The following FUT7 variants were observed in gnomAD, a reference collection of about 807,000 sequenced individuals.
FUT7 encodes fucosyltransferase 7.
FUT7 carries 2 observed loss-of-function variants against 5.0 expected under a neutral mutation model. The observed-to-expected ratio is 0.40, with a 90% CI of 0.16 to 1.26. The LOEUF (loss-of-function observed/expected upper bound fraction) is 1.26, where lower values mean the gene tolerates loss of function less well. Among genes scored for constraint, FUT7 ranks in the 50% most tolerant of loss-of-function variants. The pLI, the probability that FUT7 is intolerant of heterozygous loss-of-function variation, is 0.32. For missense variants in FUT7, 461 were observed against 489.8 expected (o/e 0.94, Z 0.55); for synonymous variants, 218 against 210.6 (o/e 1.03, Z -0.30).
chr9:137,031,222 C>T lies in FUT7; in HGVS notation c.517G>A (p.Ala173Thr). The change falls in exon 2 of 2, where the codon GCC becomes ACC. Residue 173 changes from alanine to threonine, a missense_variant. Transcript: ENST00000314412. ...SPPLPAKSRV[A>T]AWVVSNFQER... ...TGGAAGTTGCTGACCACCCAGGCGG[C>T]CACCCTGCTCTTGGCTGGCAGCGGT... 2 of 1,609,356 alleles carry T rather than the reference C, an allele frequency of 1.2e-6. No homozygotes were observed. Among genetic ancestry groups the T allele is most frequent in the South Asian group, 2.2e-5 (2 of 90,994 alleles).
Position 137,031,193 on chromosome 9 carries a change from C to T in FUT7, c.546G>A (p.Glu182=). The T allele has an allele frequency of 6.2e-7, 1 of 1,610,112 alleles. No individual in the cohort carries two copies. The highest frequency in any genetic ancestry group is 8.5e-7 in the Non-Finnish European group (1 of 1,178,548). ...VAAWVVSNFQ[E]RQLRARLYRQ... is the part of the protein sequence containing the mutation. ...GGTACAGCCTGGCACGCAGCTGCCG[C>T]TCCTGGAAGTTGCTGACCACCCAGG... Residue 182 remains glutamate (E), a synonymous_variant, in exon 2 of 2, where the codon GAG becomes GAA. Coordinates refer to ENST00000314412, the MANE Select transcript of FUT7 (RefSeq NM_004479.4).
chr9:137,030,614 T>A lies in FUT7; in HGVS notation c.*96A>T. 6.9e-7 allele frequency: 1 copy of A among 1,457,276 alleles called. No individual in the cohort carries two copies. Among genetic ancestry groups the A allele is most frequent in the East Asian group, 2.4e-5 (1 of 41,650 alleles). The allele number at this position is 1,457,276 out of a possible 1,614,324, so 90.3% of individuals were successfully genotyped here. A position where few individuals can be genotyped will look rare whatever the true frequency, so the allele number is the denominator to read the frequency against. On this transcript the variant is annotated 3_prime_UTR_variant, in exon 2 of 2. Coordinates refer to ENST00000314412, the MANE Select transcript of FUT7 (RefSeq NM_004479.4). ...CCTGACCTCTGTGCCCAGCCTCCCG[T>A]TAGCCCGCTGCTTGCCGGTAAGGGC... is the stretch of plus-strand genomic sequence containing the variant.
intron 1 of FUT7, 36 bp from the exon 2 acceptor site, chr9:137,031,761 T>C: frequency 6.5e-7 from 1 of 1,538,480 alleles, no homozygotes; most frequent in Non-Finnish European, 8.7e-7. Context: ...CTCTGTCACT[T>C]GGGCTCAGGG....
Position 137,032,030 on chromosome 9 carries a change from A to G in FUT7, c.-39T>C. 6.2e-7 allele frequency: 1 copy of G among 1,611,966 alleles called. No homozygotes were observed. Among genetic ancestry groups the G allele is most frequent in the Non-Finnish European group, 8.5e-7 (1 of 1,179,176 alleles). On this transcript the variant is annotated 5_prime_UTR_variant, in exon 1 of 2. Transcript: ENST00000314412. ...GGATCAGTCAGCCAAGAGACCCGAG[A>G]TTCTCAAATCACGGCAGCCGCCAGA...
chr9:137,031,330 A>G lies in FUT7; in HGVS notation c.409T>C (p.Phe137Leu). Residue 137 changes from phenylalanine to leucine, a missense_variant, in exon 2 of 2, where the codon TTC (phenylalanine) becomes CTC (leucine). Coordinates refer to ENST00000314412, the MANE Select transcript of FUT7 (RefSeq NM_004479.4). ...THGLSHLRGI[F>L]NWVLSYRRDS... ...CGCCGGTAGCTCAGCACCCAGTTGA[A>G]GATGCCTCGGAGGTGGCTGAGGCCG... is the stretch of plus-strand genomic sequence containing the variant. 6.2e-7 allele frequency: 1 copy of G among 1,605,592 alleles called. No individual in the cohort carries two copies.
Position 137,031,667 on chromosome 9 carries a change from G to A in FUT7, c.72C>T (p.Leu24=), listed in dbSNP as rs758185886. 3.2e-5 allele frequency: 50 copies of A among 1,551,712 alleles called. No individual in the cohort carries two copies. Among genetic ancestry groups the A allele is most frequent in the Admixed American group, 3.9e-5 (2 of 51,234 alleles). ...GLGVLAGVAL[L]AALWLLWLLG... Reference sequence around the variant, plus strand: ...GCAGCCACAGGAGCCAGAGGGCAGCGAGCAGAGCCACCCCGGCCAGGACCC... The same window carrying A: ...GCAGCCACAGGAGCCAGAGGGCAGCAAGCAGAGCCACCCCGGCCAGGACCC... Residue 24 remains leucine (L), a synonymous_variant, in exon 2 of 2, where the codon CTC becomes CTT. Transcript: ENST00000314412.
At position 137,030,869 on chromosome 9, in the gene FUT7, C is replaced by T; in HGVS notation, c.870G>A (p.Met290Ile). ...AGAAGCGTTGGTATCGGCTCTCATT[C>T]ATGCCAGTGAGGAAAGCCGCCAGCT... ...ARELAAFLTGMNESRYQRFFA... is the reference protein window; with the variant it reads ...ARELAAFLTGINESRYQRFFA... The change falls in exon 2 of 2, where the codon ATG becomes ATA. Residue 290 changes from methionine (M) to isoleucine (I), a missense_variant. By Grantham distance (10) the Met-to-Ile change is conservative (BLOSUM62 1). Coordinates refer to ENST00000314412, the MANE Select transcript of FUT7 (RefSeq NM_004479.4). The T allele has an allele frequency of 1.2e-6, 2 of 1,612,838 alleles. No individual in the cohort carries two copies. Among genetic ancestry groups the T allele is most frequent in the Non-Finnish European group, 1.7e-6 (2 of 1,180,000 alleles).
In FUT7 at chr9:137,030,973, C is replaced by T. The variant is rs757034382; in HGVS notation, c.766G>A (p.Gly256Arg). ...LVAGTVPVVLGPPRATYEAFV... is the reference protein window; with the variant it reads ...LVAGTVPVVLRPPRATYEAFV... ...GCCTCATAGGTGGCCCGTGGGGGCC[C>T]CAGCACCACTGGCACAGTGCCAGCC... is the stretch of plus-strand genomic sequence containing the variant. Residue 256 changes from glycine to arginine, a missense_variant, in exon 2 of 2, where the codon GGG becomes AGG. By Grantham distance (125) the Gly-to-Arg change is moderately radical. Coordinates refer to ENST00000314412, the MANE Select transcript of FUT7 (RefSeq NM_004479.4). The T allele has an allele frequency of 6.2e-7, 1 of 1,612,884 alleles. No homozygotes were observed. The highest frequency in any genetic ancestry group is 1.1e-5 in the South Asian group (1 of 91,090).
In FUT7 at chr9:137,030,632, G is replaced by GT. The variant is rs1831828325; in HGVS notation, c.*77dup. 2 of 1,551,290 alleles carry GT rather than the reference G, an allele frequency of 1.3e-6. No individual in the cohort carries two copies. The highest frequency in any genetic ancestry group is 3.5e-5 in the Admixed American group (2 of 56,844). Reference sequence around the variant, plus strand: ...CCTCCCGTTAGCCCGCTGCTTGCCGGTAAGGGCCGGATGCCTGGTGGTTTG... The same window carrying GT: ...CCTCCCGTTAGCCCGCTGCTTGCCGGTTAAGGGCCGGATGCCTGGTGGTTTG... On this transcript the variant is annotated 3_prime_UTR_variant, in exon 2 of 2. Coordinates refer to ENST00000314412, the MANE Select transcript of FUT7 (RefSeq NM_004479.4).
rs1831838496 is a variant in FUT7 at position 137,030,920 on chromosome 9, A to G, written c.819T>C (p.His273=). ...EAFVPADAFV[H]VDDFGSAREL... ...CTCGGGCTGAGCCAAAGTCATCCAC[A>G]TGCACGAAGGCGTCAGCCGGCACGA... The change falls in exon 2 of 2, where the codon CAT becomes CAC. Residue 273 remains histidine, a synonymous_variant. Coordinates refer to ENST00000314412, the MANE Select transcript of FUT7 (RefSeq NM_004479.4). The G allele has an allele frequency of 1.2e-6, 2 of 1,612,772 alleles. No homozygotes were observed. The highest frequency in any genetic ancestry group is 2.7e-5 in the African/African-American group (2 of 75,062).
rs777062672 is a variant in FUT7, at chr9:137,032,042, C to T, written c.-51G>A. The stretch of plus-strand genomic sequence containing the variant: ...CAAGAGACCCGAGATTCTCAAATCA[C>T]GGCAGCCGCCAGAGGTGCCCCTGAA... On this transcript the variant is annotated 5_prime_UTR_variant, in exon 1 of 2. It adds an upstream start codon to the 5' untranslated region. Coordinates refer to ENST00000314412, the MANE Select transcript of FUT7 (RefSeq NM_004479.4). 8.7e-6 allele frequency: 14 copies of T among 1,603,320 alleles called. No individual in the cohort carries two copies. Among genetic ancestry groups the T allele is most frequent in the Admixed American group, 1.7e-5 (1 of 59,990 alleles).
Position 137,030,272 on chromosome 9 carries a change from A to C in FUT7, c.*438T>G. ...TCCTGGGCCCCGCCCCAGCCTACAC[A>C]CAGGGACCTCAGAACTATGGACGTG... On this transcript the variant is annotated 3_prime_UTR_variant, in exon 2 of 2. Coordinates refer to ENST00000314412, the MANE Select transcript of FUT7 (RefSeq NM_004479.4). The C allele has an allele frequency of 4.1e-6, 1 of 241,514 alleles. No individual in the cohort carries two copies. Among genetic ancestry groups the C allele is most frequent in the Non-Finnish European group, 8.3e-6 (1 of 119,940 alleles). 15.0% of individuals were successfully genotyped at this position (241,514 alleles called of 1,614,324 possible).
In FUT7 at chr9:137,031,146, C is replaced by G. The variant is rs200261090; in HGVS notation, c.593G>C (p.Arg198Pro). ...ATTGGCACGGCCAAAGACATCCACC[C>G]GCAGATGAGGCGCCAGCTGCCGGTA... ...RLYRQLAPHLRVDVFGRANGR... is the reference protein window; with the variant it reads ...RLYRQLAPHLPVDVFGRANGR... The change falls in exon 2 of 2, where the codon CGG becomes CCG. Residue 198 changes from arginine to proline, a missense_variant. Transcript: ENST00000314412. 327 of 1,612,260 alleles carry G rather than the reference C, an allele frequency of 2.0e-4. 2 individuals are homozygous for G. Among genetic ancestry groups the G allele is most frequent in the Middle Eastern group, 8.3e-4 (5 of 6,042 alleles).
chr9:137,031,695 A>G lies in FUT7; in HGVS notation c.44T>C (p.Leu15Ser). Residue 15 changes from leucine to serine, a missense_variant, in exon 2 of 2, where the codon TTG becomes TCG. Leu to Ser is a moderately radical substitution (Grantham distance 145, BLOSUM62 -2). Coordinates refer to ENST00000314412, the MANE Select transcript of FUT7 (RefSeq NM_004479.4). Reference sequence around the variant, plus strand: ...CAGAGCCACCCCGGCCAGGACCCCCAAGCCTCGCAGCCTCCGGGTGGGGCC... The same window carrying G: ...CAGAGCCACCCCGGCCAGGACCCCCGAGCCTCGCAGCCTCCGGGTGGGGCC... Reference protein sequence around the residue: ...GHGPTRRLRGLGVLAGVALLA... With the variant: ...GHGPTRRLRGSGVLAGVALLA... The G allele has an allele frequency of 6.5e-7, 1 of 1,548,900 alleles. No homozygotes were observed. The highest frequency in any genetic ancestry group is 8.7e-7 in the Non-Finnish European group (1 of 1,148,000).
chr9:137,030,632 G>A lies in FUT7; in HGVS notation c.*78C>T. Reference sequence around the variant, plus strand: ...CCTCCCGTTAGCCCGCTGCTTGCCGGTAAGGGCCGGATGCCTGGTGGTTTG... The same window carrying A: ...CCTCCCGTTAGCCCGCTGCTTGCCGATAAGGGCCGGATGCCTGGTGGTTTG... On this transcript the variant is annotated 3_prime_UTR_variant, in exon 2 of 2. Coordinates refer to ENST00000314412, the MANE Select transcript of FUT7 (RefSeq NM_004479.4). 6.4e-7 allele frequency: 1 copy of A among 1,551,290 alleles called. No individual in the cohort carries two copies. Among genetic ancestry groups the A allele is most frequent in the Non-Finnish European group, 8.8e-7 (1 of 1,135,606 alleles).
Position 137,031,474 on chromosome 9 carries a change from C to T in FUT7, c.265G>A (p.Asp89Asn), listed in dbSNP as rs150277663. 2,158 of 1,553,134 alleles carry T rather than the reference C, an allele frequency of 1.4e-3. 3 individuals are homozygous for T. Among genetic ancestry groups the T allele is most frequent in the Non-Finnish European group, 1.7e-3 (1,999 of 1,148,938 alleles). Residue 89 changes from aspartate to asparagine, a missense_variant, in exon 2 of 2, where the codon GAC (aspartate) becomes AAC (asparagine). By Grantham distance (23) the Asp-to-Asn change is conservative. Transcript: ENST00000314412. ...SANRSLLASA[D>N]AVVFHHRELQ... Reference sequence around the variant, plus strand: ...TCGCGGTGGTGGAAGACCACGGCGTCGGCGCTGGCCAGCAGGCTTCGGTTG... The same window carrying T: ...TCGCGGTGGTGGAAGACCACGGCGTTGGCGCTGGCCAGCAGGCTTCGGTTG...
Position 137,031,742 on chromosome 9 carries a change from G to GA in FUT7, c.14-18dup, listed in dbSNP as rs1045222711. On this transcript the variant is annotated splice_polypyrimidine_tract_variant and intron_variant, in intron 1 of 1. Transcript: ENST00000314412. ...GGCCGTGCCCTGCAGCAGCACGAGG[G>GA]AGGGGAGGCTCTGTCACTTGGGCTC... The GA allele has an allele frequency of 4.5e-6, 7 of 1,540,980 alleles. No homozygotes were observed. In the African/African-American group the frequency reaches 9.6e-5, roughly 21 times the overall value.
rs547406805 is a variant in FUT7 at position 137,030,520 on chromosome 9, C to T, written c.*190G>A. 2.7e-5 allele frequency: 18 copies of T among 677,546 alleles called. No individual in the cohort carries two copies. The highest frequency in any genetic ancestry group is 3.8e-5 in the Non-Finnish European group (15 of 393,812). 42.0% of individuals were successfully genotyped at this position (677,546 alleles called of 1,614,324 possible). On this transcript the variant is annotated 3_prime_UTR_variant, in exon 2 of 2. Coordinates refer to ENST00000314412, the MANE Select transcript of FUT7 (RefSeq NM_004479.4). ...CCTCCCGTCTGCCGCAGCAGGCACC[C>T]GTTACCTCCCTCCCACTCTCACCTC...
rs1278272511 is a variant in FUT7, at chr9:137,031,227, C to T, written c.512G>A (p.Arg171Lys). 1 of 1,609,450 alleles carries T rather than the reference C, an allele frequency of 6.2e-7. No homozygotes were observed. Among genetic ancestry groups the T allele is most frequent in the African/African-American group, 1.3e-5 (1 of 74,914 alleles). ...GTTGCTGACCACCCAGGCGGCCACC[C>T]TGCTCTTGGCTGGCAGCGGTGGCGA... ...GPSPPLPAKS[R>K]VAAWVVSNFQ... Residue 171 changes from arginine to lysine, a missense_variant, in exon 2 of 2, where the codon AGG (arginine) becomes AAG (lysine). By Grantham distance (26) the Arg-to-Lys change is conservative. Transcript: ENST00000314412.
Sources: allele counts gnomAD v4.1 joint callset, GRCh38; gene constraint gnomAD v4.1.1; transcripts MANE v1.5; gene names NCBI Gene and HGNC (gene_info 2026-07-23, HGNC 2026-07-21).